Variants in RAB6A observed in about 807,000 individuals in gnomAD.
The protein encoded by RAB6A is ras-related protein Rab-6A.
RAB6A carries 8 observed loss-of-function variants against 32.3 expected under a neutral mutation model. That is an observed-to-expected ratio of 0.25 (90% confidence interval 0.15 to 0.45). The LOEUF (loss-of-function observed/expected upper bound fraction) is 0.45, where lower values mean the gene tolerates loss of function less well. Among genes scored for constraint, RAB6A ranks in the 20% least tolerant of loss-of-function variants. The pLI is 1.00. For synonymous variants in RAB6A, 73 were observed against 82.1 expected (o/e 0.89, Z 0.60); for missense variants, 104 against 249.4 (o/e 0.42, Z 3.93).
intron 6 of RAB6A, among the ~76,000 whole-genome samples, chr11:73,688,230 A>C (rs543523984): frequency 6.6e-6 from 1 of 152,328 alleles, no homozygotes; most frequent in South Asian, 2.1e-4. Context: ...TTTTTGCCCA[A>C]ATAAATCATT....
intron 1 of RAB6A, among the ~76,000 whole-genome samples, chr11:73,750,668 C>A (rs1284625084): frequency 6.6e-6 from 1 of 152,044 alleles, no homozygotes; most frequent in Admixed American, 6.6e-5. Flanking sequence ...AGATTTCCTT[C>A]CTTTTTAAGG....
Position 73,759,051 on chromosome 11 carries a change from A to T in RAB6A, c.70+1515T>A, listed in dbSNP as rs528847946. ...CAGTTCTAACTGGAGGCAATTTTGC[A>T]AGAGTATTAACCTCTGTGATGGCAT... On this transcript the variant is annotated intron_variant, in intron 1 of 7. Coordinates refer to ENST00000336083, the MANE Select transcript of RAB6A (RefSeq NM_198896.2). Among the ~76,000 whole-genome samples, 4 of 152,380 alleles carry T rather than the reference A, an allele frequency of 2.6e-5. No individual in the cohort carries two copies. The South Asian group carries it at 8.3e-4, about 32-fold the overall frequency.
chr11:73,707,722 T>TA (rs770465840), intron 5 of RAB6A, among the ~76,000 whole-genome samples: 2 of 152,210 alleles, frequency 1.3e-5, no homozygotes, highest in Non-Finnish European at 2.9e-5. Context: ...TTTTTTTTGT[T>TA]ACTGATTTGC....
At position 73,714,209 on chromosome 11, in the gene RAB6A, A is replaced by AATATATATATAT. The variant is rs1555059763; in HGVS notation, c.401+2030_401+2041dup. 2.3e-3 allele frequency among the ~76,000 whole-genome samples: 133 copies of AATATATATATAT among 57,476 alleles called. 3 individuals carry two copies. Among genetic ancestry groups the AATATATATATAT allele is most frequent in the Non-Finnish European group, 2.7e-3 (78 of 29,074 alleles). 37.7% of individuals were successfully genotyped at this position (57,476 alleles called of 152,430 possible). A position where few individuals can be genotyped will look rare whatever the true frequency, so the allele number is the denominator to read the frequency against. On this transcript the variant is annotated intron_variant, in intron 5 of 7. Transcript: ENST00000336083. ...CTCCATCTCAAAAAAAAAAAAAAAA[A>AATATATATATAT]ATATATATATATATATATATACACA...
intron 5 of RAB6A, among the ~76,000 whole-genome samples, chr11:73,714,212 AT>A (rs752990906): frequency 0.14 from 12,698 of 90,468 alleles, 749 homozygotes; most frequent in South Asian, 0.36. Flanking sequence ...AAAAAAAAAT[AT>A]ATATATATAT....
rs1209315579 is a variant in RAB6A at position 73,683,150 on chromosome 11, C to T, written c.496-3430G>A. Among the ~76,000 whole-genome samples, 65 of 151,994 alleles carry T rather than the reference C, an allele frequency of 4.3e-4. 2 individuals carry two copies. The highest frequency in any genetic ancestry group is 4.2e-3 in the Admixed American group (64 of 15,258). On this transcript the variant is annotated intron_variant, in intron 6 of 7. Coordinates refer to ENST00000336083, the MANE Select transcript of RAB6A (RefSeq NM_198896.2). Reference sequence around the variant, plus strand: ...TAGTGACTACAGAAACAATCTAGTACCTGACAATGTGACACTCTATCAAAC... The same window carrying T: ...TAGTGACTACAGAAACAATCTAGTATCTGACAATGTGACACTCTATCAAAC...
rs769979508 is a variant in RAB6A at position 73,677,853 on chromosome 11, C to T, written c.*45G>A. 1 of 1,612,440 alleles carries T rather than the reference C, an allele frequency of 6.2e-7. No homozygotes were observed. Among genetic ancestry groups the T allele is most frequent in the African/African-American group, 1.3e-5 (1 of 74,854 alleles). ...TGCAGTCAATGAAAGAGTAAGGGGG[C>T]CAAAGCAGTGAGCTTCTGAAGAAGG... On this transcript the variant is annotated 3_prime_UTR_variant, in exon 8 of 8. Transcript: ENST00000336083.
At chr11:73,727,816 C>G (rs150208291) in intron 2 of RAB6A, among the ~76,000 whole-genome samples, 2 of 152,278 alleles carry the variant, frequency 1.3e-5, no homozygotes, top group African/African-American at 4.8e-5. Context: ...TAATGAGTGA[C>G]AGCCTTAATC....
chr11:73,683,702 G>A (rs35455701), intron 6 of RAB6A, among the ~76,000 whole-genome samples: 5,558 of 151,976 alleles, frequency 0.037, 151 homozygotes, highest in Middle Eastern at 0.071. Flanking sequence ...ACAGGTGTGC[G>A]CCACCACACA....
Position 73,675,666 on chromosome 11 carries a change from T to C in RAB6A, c.*2232A>G, listed in dbSNP as rs1210289747. 6.5e-6 allele frequency: 1 copy of C among 153,824 alleles called. No homozygotes were observed. Among genetic ancestry groups the C allele is most frequent in the Non-Finnish European group, 1.5e-5 (1 of 68,028 alleles). The allele number at this position is 153,824 out of a possible 1,614,324, so 9.5% of individuals were successfully genotyped here. A position where few individuals can be genotyped will look rare whatever the true frequency, so the allele number is the denominator to read the frequency against. ...TTTTCTTTCGTGTTTTATTTATATA[T>C]TTTTGGCAGCAAAATTGTGTTTATT... On this transcript the variant is annotated 3_prime_UTR_variant, in exon 8 of 8. Transcript: ENST00000336083.
At chr11:73,724,727 C>A (rs1946191405) in intron 2 of RAB6A, among the ~76,000 whole-genome samples, 2 of 152,148 alleles carry the variant, frequency 1.3e-5, no homozygotes, top group African/African-American at 4.8e-5. Context: ...ACCTTGTGAT[C>A]CGCCCGCCTT....
At chr11:73,679,022 G>A (rs890838551) in intron 7 of RAB6A, among the ~76,000 whole-genome samples, 7 of 152,074 alleles carry the variant, frequency 4.6e-5, no homozygotes, top group Non-Finnish European at 1.0e-4. Flanking sequence ...CACCGCGCCC[G>A]GCCTGTTTTA....
chr11:73,707,330 C>A, intron 6 of RAB6A, 90 bp downstream of exon 6: 3 of 870,010 alleles, frequency 3.4e-6, no homozygotes, highest in South Asian at 1.6e-5. Context: ...CCTGCTCTTG[C>A]CAGGTGGAAG....
At chr11:73,709,950 C>CACATAT (rs1555058393) in intron 5 of RAB6A, among the ~76,000 whole-genome samples, 6,188 of 57,252 alleles carry the variant, frequency 0.11, 256 homozygotes, top group East Asian at 0.46. Flanking sequence ...CACACACACA[C>CACATAT]ATATATATAT....
intron 2 of RAB6A, among the ~76,000 whole-genome samples, chr11:73,729,013 CTG>C (rs1415420171): frequency 6.6e-6 from 1 of 152,046 alleles, no homozygotes; most frequent in Admixed American, 6.6e-5. Flanking sequence ...TTTTAGTAAA[CTG>C]TGTCTTTCTT....
At chr11:73,690,582 AATTT>A (rs1945535917) in intron 6 of RAB6A, among the ~76,000 whole-genome samples, 1 of 151,162 alleles carries the variant, frequency 6.6e-6, no homozygotes, top group Non-Finnish European at 1.5e-5. Context: ...ATTTTCAAAT[AATTT>A]ATTAGGAATT....
At chr11:73,682,052 C>T (rs1161598070) in intron 6 of RAB6A, among the ~76,000 whole-genome samples, 2 of 152,138 alleles carry the variant, frequency 1.3e-5, no homozygotes, top group Non-Finnish European at 2.9e-5. Context: ...TTCTGGTACA[C>T]CATCAAAGAT....
intron 1 of RAB6A, 49 bp from the exon 2 acceptor site, chr11:73,730,872 G>A (rs377193504): frequency 6.9e-7 from 1 of 1,447,224 alleles, no homozygotes; most frequent in East Asian, 2.4e-5. Flanking sequence ...ATTACATTGG[G>A]TTCTCAGAAA....
chr11:73,677,945 C>G lies in RAB6A; in HGVS notation c.580G>C (p.Glu194Gln). Residue 194 changes from glutamate to glutamine, a missense_variant, in exon 8 of 8, where the codon GAA becomes CAA. Around this residue, in one of 4 missense-constraint regions of RAB6A, gnomAD observed 33 missense variants for 59.5 expected, o/e 0.55. Coordinates refer to ENST00000336083, the MANE Select transcript of RAB6A (RefSeq NM_198896.2). ...CTGACTGGTTGCTCCTGAGGCTTTT[C>G]CAGTTTTATGTCAATCACTGAAACA... ...SREDMIDIKL[E>Q]KPQEQPVSEG... 1 of 1,614,158 alleles carries G rather than the reference C, an allele frequency of 6.2e-7. No homozygotes were observed. The highest frequency in any genetic ancestry group is 8.5e-7 in the Non-Finnish European group (1 of 1,180,026).
Sources: gnomAD v4.1 joint callset for allele counts (sites outside exome capture counted in the v4.1 genomes callset) on GRCh38, gnomAD v4.1.1 for gene constraint, gnomAD v4.1.1 regional missense constraint, MANE v1.5 for transcripts, NCBI Gene and HGNC (gene_info 2026-07-23, HGNC 2026-07-21) for gene names.